Variants in XPC observed in about 807,000 individuals in gnomAD.
XPC encodes the protein DNA repair protein complementing XP-C cells.
XPC carries 76 observed loss-of-function variants against 95.8 expected under a neutral mutation model. The ratio of observed to expected loss-of-function variants is 0.79; its 90% CI spans 0.66 to 0.96. The LOEUF (loss-of-function observed/expected upper bound fraction) is 0.96, where lower values mean the gene tolerates loss of function less well. Among genes scored for constraint, XPC ranks in the 40% least tolerant of loss-of-function variants. The pLI is 0.00. For synonymous variants in XPC, 442 were observed against 442.1 expected (o/e 1.00, Z 0.00); for missense variants, 1,146 against 1,179.8 (o/e 0.97, Z 0.42).
intron 5 of XPC, among the ~76,000 whole-genome samples, chr3:14,166,334 G>C (rs1696377618): frequency 6.6e-6 from 1 of 152,012 alleles, no homozygotes; most frequent in African/African-American, 2.4e-5. Context: ...AAGGCACACA[G>C]CTGTCTCGTT....
At chr3:14,165,610 G>A (rs1460037483) in intron 5 of XPC, 25 bp from the exon 6 acceptor site, 3 of 1,611,256 alleles carry the variant, frequency 1.9e-6, no homozygotes, top group Admixed American at 3.3e-5. Context: ...GGAGGAAGGG[G>A]CAGCATGGAA....
rs772755840 is a variant in XPC, at chr3:14,158,230, C to A, written c.1653G>T (p.Val551=). The A allele has an allele frequency of 1.2e-6, 2 of 1,613,984 alleles. No individual in the cohort carries two copies. The highest frequency in any genetic ancestry group is 1.1e-5 in the South Asian group (1 of 91,084). ...TGTAACAGGTCAGAGGCTGGCCCAC[C>A]ACACCGTGCACACAGTCTACACATA... is the stretch of plus-strand genomic sequence containing the variant. ...KWVCVDCVHG[V]VGQPLTCYKY... is the part of the protein sequence containing the mutation. The change falls in exon 9 of 16, where the codon GTG becomes GTT. Residue 551 remains valine (V), a synonymous_variant. Coordinates refer to ENST00000285021, the MANE Select transcript of XPC (RefSeq NM_004628.5). The surrounding 1 kb of genome is among the most constrained non-coding windows in gnomAD (Gnocchi z 5.2).
chr3:14,167,373 G>A, intron 4 of XPC, 120 bp from the exon 5 acceptor site: 1 of 896,118 alleles, frequency 1.1e-6, no homozygotes, highest in Non-Finnish European at 1.6e-6. Flanking sequence ...CCCTACACAA[G>A]GCTGTGCTAC....
Position 14,146,163 on chromosome 3 carries a change from G to C in XPC, c.2605-4C>G, listed in dbSNP as rs759102719. 2 of 1,603,620 alleles carry C rather than the reference G, an allele frequency of 1.2e-6. No individual in the cohort carries two copies. Among genetic ancestry groups the C allele is most frequent in the Non-Finnish European group, 1.7e-6 (2 of 1,176,390 alleles). ...TGTGGGGAGCTGCTGCCTCACTCTG[G>C]ACAGGTGGCAGTGGTGGGAGGACAC... is the stretch of plus-strand genomic sequence containing the variant. On this transcript the variant is annotated splice_region_variant and splice_polypyrimidine_tract_variant and intron_variant, in intron 15 of 15. Transcript: ENST00000285021.
intron 10 of XPC, chr3:14,153,268 AG>A (rs1695770853): frequency 6.6e-6 from 1 of 152,264 alleles, no homozygotes; most frequent in African/African-American, 2.4e-5. Context: ...CACCTGGACA[AG>A]TCACTTTACC....
chr3:14,153,345 T>A (rs1695774431), intron 10 of XPC: 1 of 152,276 alleles, frequency 6.6e-6, no homozygotes. Flanking sequence ...TTCAACTTTA[T>A]GATGATGCAA....
In XPC at chr3:14,156,438, G is replaced by A; in HGVS notation, c.1930C>T (p.His644Tyr). ...TGCCGCTTCAGGGCATACAGAGGGT[G>A]GTTCTTATATAAGCCAATGGCAGTG... ...LPTAIGLYKNHPLYALKRHLL... is the reference protein window; with the variant it reads ...LPTAIGLYKNYPLYALKRHLL... Residue 644 changes from histidine to tyrosine, a missense_variant, in exon 10 of 16, where the codon CAC becomes TAC. By Grantham distance (83) the His-to-Tyr change is moderately conservative. Coordinates refer to ENST00000285021, the MANE Select transcript of XPC (RefSeq NM_004628.5). 1 of 1,614,000 alleles carries A rather than the reference G, an allele frequency of 6.2e-7. No individual in the cohort carries two copies. The highest frequency in any genetic ancestry group is 2.2e-5 in the East Asian group (1 of 44,886).
At chr3:14,163,877 CA>C (rs1203468714) in intron 7 of XPC, among the ~76,000 whole-genome samples, 1 of 152,132 alleles carries the variant, frequency 6.6e-6, no homozygotes, top group African/African-American at 2.4e-5. Context: ...GGTGAAACCC[CA>C]TCTCTACTAA....
chr3:14,145,948 T>C lies in XPC; in HGVS notation c.2816A>G (p.Gln939Arg). The C allele has an allele frequency of 6.2e-7, 1 of 1,604,780 alleles. No homozygotes were observed. The highest frequency in any genetic ancestry group is 8.5e-7 in the Non-Finnish European group (1 of 1,172,910). The change falls in exon 16 of 16, where the codon CAG becomes CGG. Residue 939 changes from glutamine to arginine, a missense_variant. Physicochemically the swap from Gln to Arg is conservative, Grantham distance 43. Transcript: ENST00000285021. The part of the protein sequence containing the change: ...AAASHLFPFE[Q>R]L ...CTCTAGTGGGCGCTCAGCTCACAGC[T>C]GCTCAAATGGGAACAGGTGGGAAGC...
rs375565593 is a variant in XPC, at chr3:14,148,891, G to A, written c.2173C>T (p.Arg725Trp). The A allele has an allele frequency of 1.3e-5, 21 of 1,613,798 alleles. No individual in the cohort carries two copies. Among genetic ancestry groups the A allele is most frequent in the Middle Eastern group, 1.6e-4 (1 of 6,084 alleles). The change falls in exon 12 of 16, where the codon CGG (arginine) becomes TGG (tryptophan). Residue 725 changes from arginine to tryptophan, a missense_variant. Arg to Trp is a moderately radical substitution (Grantham distance 101). Coordinates refer to ENST00000285021, the MANE Select transcript of XPC (RefSeq NM_004628.5). ...RKARLAEPQL[R>W]EENDLGLFGY... Reference sequence around the variant, plus strand: ...AACAGGCCCAGGTCATTTTCTTCCCGCAGCTGGGGCTCAGCAAGTCGGGCT... The same window carrying A: ...AACAGGCCCAGGTCATTTTCTTCCCACAGCTGGGGCTCAGCAAGTCGGGCT...
chr3:14,156,594 G>A, intron 9 of XPC, 99 bp from the exon 10 acceptor site: 8 of 1,542,982 alleles, frequency 5.2e-6, no homozygotes, highest in African/African-American at 2.7e-5. Context: ...GACAACAGAT[G>A]GTGGAGCCAA....
intron 13 of XPC, chr3:14,148,226 C>T: frequency 6.9e-6 from 4 of 580,870 alleles, no homozygotes; most frequent in Non-Finnish European, 1.2e-5. Context: ...GGGTGAAAGC[C>T]CCTATCCAGC....
chr3:14,177,140 G>A (rs1217696033), intron 1 of XPC, among the ~76,000 whole-genome samples: 1 of 151,988 alleles, frequency 6.6e-6, no homozygotes, highest in Non-Finnish European at 1.5e-5. Flanking sequence ...ACCAATCCAC[G>A]GGCCCTGCAT....
chr3:14,159,921 C>A, intron 7 of XPC, 91 bp from the exon 8 acceptor site: 4 of 1,310,678 alleles, frequency 3.1e-6, no homozygotes, highest in Non-Finnish European at 4.3e-6. Flanking sequence ...TTGTTCAAGA[C>A]AGGGAAAAGC....
intron 11 of XPC, 26 bp downstream of exon 11, chr3:14,152,309 C>G: frequency 6.2e-7 from 1 of 1,606,002 alleles, no homozygotes; most frequent in Non-Finnish European, 8.5e-7. Flanking sequence ...CACCACTCCC[C>G]ACAGGGACCC....
intron 11 of XPC, among the ~76,000 whole-genome samples, chr3:14,150,647 AG>A (rs1261266081): frequency 2.0e-5 from 3 of 152,210 alleles, no homozygotes; most frequent in African/African-American, 7.2e-5. Flanking sequence ...AGGCTCCTGC[AG>A]GGGAAGAGAC....
At chr3:14,165,606 AG>A in intron 5 of XPC, 21 bp from the exon 6 acceptor site, 1 of 1,612,700 alleles carries the variant, frequency 6.2e-7, no homozygotes, top group Non-Finnish European at 8.5e-7. Context: ...GAAAGGAGGA[AG>A]GGGCAGCATG....
intron 4 of XPC, 65 bp downstream of exon 4, chr3:14,168,189 GTCC>G (rs1696461668): frequency 2.0e-6 from 3 of 1,518,746 alleles, no homozygotes; most frequent in Non-Finnish European, 2.6e-6. Context: ...TTTCTCCAAA[GTCC>G]TCCTAAGCAG....
At chr3:14,167,144 C>A in intron 5 of XPC, 25 bp downstream of exon 5, 2 of 1,547,572 alleles carry the variant, frequency 1.3e-6, no homozygotes. Flanking sequence ...AGGAAAAGTC[C>A]TTCCCCATCA....
Sources: gnomAD v4.1 joint callset for allele counts (sites outside exome capture counted in the v4.1 genomes callset) on GRCh38, gnomAD v4.1.1 for gene constraint, Gnocchi (gnomAD v3.1) non-coding constraint, MANE v1.5 for transcripts, NCBI Gene and HGNC (gene_info 2026-07-23, HGNC 2026-07-21) for gene names.